The following LRIG2 variants were observed in gnomAD, a reference collection of about 807,000 sequenced individuals.
LRIG2 encodes the protein leucine rich repeats and immunoglobulin like domains 2, also known as leucine-rich repeats and immunoglobulin-like domains protein 2.
Under a neutral mutation model 107.8 loss-of-function variants are expected in LRIG2, and 93 were observed. The ratio of observed to expected loss-of-function variants is 0.86; its 90% CI spans 0.73 to 1.03. LRIG2 has a LOEUF of 1.03. LRIG2 is among the 50% of genes least tolerant of loss of function. The pLI, the probability that LRIG2 is intolerant of heterozygous loss-of-function variation, is 0.00. For missense variants in LRIG2, 1,226 were observed against 1,296.0 expected, an observed-to-expected ratio of 0.95 and a Z score of 0.83; for synonymous variants, 471 against 470.6, an observed-to-expected ratio of 1.00 and a Z score of -0.01.
chr1:113,116,494 C>A, intron 16 of LRIG2, 58 bp downstream of exon 16: 1 of 1,459,992 alleles, frequency 6.8e-7, no homozygotes, highest in Non-Finnish European at 9.3e-7. Flanking sequence ...GTTTACTTTT[C>A]AGTGTGTAGT....
chr1:113,084,811 A>G (rs967160289), intron 1 of LRIG2, among the ~76,000 whole-genome samples: 3 of 152,242 alleles, frequency 2.0e-5, no homozygotes, highest in Non-Finnish European at 2.9e-5. Context: ...AGATCACATC[A>G]TATTAAGTAA....
At chr1:113,102,958 T>A (rs554327405) in intron 11 of LRIG2, among the ~76,000 whole-genome samples, 1 of 152,174 alleles carries the variant, frequency 6.6e-6, no homozygotes, top group Admixed American at 6.5e-5. Flanking sequence ...ATAGGCTTAG[T>A]TTAATTATAA....
rs1407793785 is a variant in LRIG2 at position 113,130,370 on chromosome 1, A to G, written c.*6269A>G. On this transcript the variant is annotated 3_prime_UTR_variant, in exon 18 of 18. Coordinates refer to ENST00000361127, the MANE Select transcript of LRIG2 (RefSeq NM_014813.3). Reference sequence around the variant, plus strand: ...TCAAGCAATTTAGATTCTGTTACCCATTTCCCTATGAAAAGAGATGTGTTA... The same window carrying G: ...TCAAGCAATTTAGATTCTGTTACCCGTTTCCCTATGAAAAGAGATGTGTTA... 6.6e-6 allele frequency: 1 copy of G among 152,192 alleles called. No individual in the cohort carries two copies. Among genetic ancestry groups the G allele is most frequent in the African/African-American group, 2.4e-5 (1 of 41,446 alleles). The allele number at this position is 152,192 out of a possible 1,614,324, so 9.4% of individuals were successfully genotyped here.
intron 12 of LRIG2, 115 bp downstream of exon 12, chr1:113,107,872 A>G: frequency 1.1e-6 from 1 of 892,852 alleles, no homozygotes; most frequent in Non-Finnish European, 1.7e-6. Flanking sequence ...TACAGTTTTA[A>G]TTGCCATTAA....
At chr1:113,120,708 C>G (rs767437375) in intron 17 of LRIG2, among the ~76,000 whole-genome samples, 9 of 151,152 alleles carry the variant, frequency 6.0e-5, no homozygotes, top group Admixed American at 1.3e-4. Context: ...TGGGGTTTCT[C>G]CATGTTGGTC....
intron 1 of LRIG2, among the ~76,000 whole-genome samples, chr1:113,077,920 G>A (rs924709237): frequency 7.9e-6 from 1 of 125,872 alleles, no homozygotes; most frequent in Admixed American, 1.1e-4. Flanking sequence ...GATGTGTGAT[G>A]TTCCCCTTCC....
At position 113,128,147 on chromosome 1, in the gene LRIG2, A is replaced by T. The variant is rs531587374; in HGVS notation, c.*4046A>T. On this transcript the variant is annotated 3_prime_UTR_variant, in exon 18 of 18. Transcript: ENST00000361127. ...TTGCCAGAAAGTTGAGCATTTATTC[A>T]TACTTATTTTCAATCCTAAGTGTTC... 5.9e-5 allele frequency: 9 copies of T among 151,930 alleles called. No individual in the cohort carries two copies. Among genetic ancestry groups the T allele is most frequent in the Non-Finnish European group, 1.0e-4 (7 of 67,970 alleles). 9.4% of individuals were successfully genotyped at this position (151,930 alleles called of 1,614,324 possible).
In LRIG2 at chr1:113,114,710, T is replaced by C. The variant is rs551009446; in HGVS notation, c.2364T>C (p.Asn788=). 1 of 1,614,166 alleles carries C rather than the reference T, an allele frequency of 6.2e-7. No individual in the cohort carries two copies. The highest frequency in any genetic ancestry group is 1.1e-5 in the South Asian group (1 of 91,072). ...ACCTAAATGTCATTTCATCCCCCAA[T>C]TGTGACTCTTCCCAGAGTAGCATTG... ...HIYLNVISSP[N]CDSSQSSIGH... The change falls in exon 15 of 18, where the codon AAT becomes AAC. Residue 788 remains asparagine, a synonymous_variant. Transcript: ENST00000361127.
At chr1:113,107,843 C>A in intron 12 of LRIG2, 86 bp downstream of exon 12, 1 of 1,218,462 alleles carries the variant, frequency 8.2e-7, no homozygotes, top group Non-Finnish European at 1.1e-6. Flanking sequence ...TGGTTTTCCA[C>A]TAGGAATTTT....
intron 16 of LRIG2, among the ~76,000 whole-genome samples, chr1:113,117,956 G>A (rs1054957829): frequency 6.7e-6 from 1 of 150,094 alleles, no homozygotes; most frequent in South Asian, 2.1e-4. Context: ...TTTCATTCTT[G>A]TCACCCAGGC....
At position 113,073,363 on chromosome 1, in the gene LRIG2, C is replaced by A. The variant is rs1451941285; in HGVS notation, c.-44C>A. The stretch of plus-strand genomic sequence containing the variant: ...GAGCTTCTCCGCCGATCCTCCTTTT[C>A]TAGCAGGCAGCTCTTCTAGGCCACG... On this transcript the variant is annotated 5_prime_UTR_variant, in exon 1 of 18. Transcript: ENST00000361127. 2.6e-6 allele frequency: 4 copies of A among 1,511,628 alleles called. No individual in the cohort carries two copies. Among genetic ancestry groups the A allele is most frequent in the Non-Finnish European group, 9.1e-7 (1 of 1,093,620 alleles). 93.6% of individuals were successfully genotyped at this position (1,511,628 alleles called of 1,614,324 possible).
chr1:113,080,838 T>TTTG lies in LRIG2; in HGVS notation c.239+7195_239+7196insGTT, dbSNP rs1163527313. 1.4e-3 allele frequency among the ~76,000 whole-genome samples: 192 copies of TTTG among 141,822 alleles called. 1 individual carries two copies. Among genetic ancestry groups the TTTG allele is most frequent in the African/African-American group, 4.9e-3 (185 of 37,768 alleles). 93.0% of individuals were successfully genotyped at this position (141,822 alleles called of 152,430 possible). On this transcript the variant is annotated intron_variant, in intron 1 of 17. Transcript: ENST00000361127. ...TTCTAAATATGGGAACACTAAAAGT[T>TTTG]TTTTTTTTTTTTTTTTTTTTTTGAG...
chr1:113,073,350 C>T lies in LRIG2; in HGVS notation c.-57C>T. 4.9e-6 allele frequency: 7 copies of T among 1,423,136 alleles called. No homozygotes were observed. Among genetic ancestry groups the T allele is most frequent in the Non-Finnish European group, 6.9e-6 (7 of 1,016,390 alleles). 88.2% of individuals were successfully genotyped at this position (1,423,136 alleles called of 1,614,324 possible). A position where few individuals can be genotyped will look rare whatever the true frequency, so the allele number is the denominator to read the frequency against. On this transcript the variant is annotated 5_prime_UTR_variant, in exon 1 of 18. Coordinates refer to ENST00000361127, the MANE Select transcript of LRIG2 (RefSeq NM_014813.3). ...GAGCATCTCTGCTGAGCTTCTCCGC[C>T]GATCCTCCTTTTCTAGCAGGCAGCT...
intron 6 of LRIG2, among the ~76,000 whole-genome samples, chr1:113,094,986 T>TTTTG (rs1553228054): frequency 9.1e-6 from 1 of 109,610 alleles, no homozygotes; most frequent in Non-Finnish European, 1.9e-5. Context: ...ATATATATAT[T>TTTTG]TTTTTTGAGA....
Position 113,130,416 on chromosome 1 carries a change from G to A in LRIG2, c.*6315G>A, listed in dbSNP as rs971353472. ...TGTTAAAAGTCTTTAACTACTTAAA[G>A]GGTCATCATGAAAAATAAGAATTCT... On this transcript the variant is annotated 3_prime_UTR_variant, in exon 18 of 18. Coordinates refer to ENST00000361127, the MANE Select transcript of LRIG2 (RefSeq NM_014813.3). The A allele has an allele frequency of 1.3e-5, 2 of 152,268 alleles. No homozygotes were observed. Among genetic ancestry groups the A allele is most frequent in the South Asian group, 4.1e-4 (2 of 4,828 alleles). The allele number at this position is 152,268 out of a possible 1,614,324, so 9.4% of individuals were successfully genotyped here.
At chr1:113,090,979 G>T (rs1008805608) in intron 1 of LRIG2, among the ~76,000 whole-genome samples, 16 of 151,516 alleles carry the variant, frequency 1.1e-4, no homozygotes, top group Non-Finnish European at 5.9e-5. Flanking sequence ...AGCCTCCTGA[G>T]TAGCTGGGAT....
rs544375323 is a variant in LRIG2 at position 113,084,467 on chromosome 1, G to A, written c.240-6851G>A. 1.0e-3 allele frequency among the ~76,000 whole-genome samples: 157 copies of A among 151,904 alleles called. 1 individual carries two copies. The highest frequency in any genetic ancestry group is 3.4e-3 in the African/African-American group (141 of 41,446). The stretch of plus-strand genomic sequence containing the variant: ...CCTGACCTTGTGATCCGCCCGCCTC[G>A]GCCTCCCAAAGTACTGGGATTACAG... On this transcript the variant is annotated intron_variant, in intron 1 of 17. Coordinates refer to ENST00000361127, the MANE Select transcript of LRIG2 (RefSeq NM_014813.3).
intron 8 of LRIG2, among the ~76,000 whole-genome samples, chr1:113,097,133 T>C (rs906958709): frequency 6.6e-6 from 1 of 151,888 alleles, no homozygotes; most frequent in Non-Finnish European, 1.5e-5. Context: ...CTGTAAGTTA[T>C]TCAATTTACA....
At chr1:113,121,407 T>A (rs1339634225) in intron 17 of LRIG2, among the ~76,000 whole-genome samples, 1 of 152,190 alleles carries the variant, frequency 6.6e-6, no homozygotes, top group Non-Finnish European at 1.5e-5. Flanking sequence ...TTTCATCAGC[T>A]TTCATCCTTC....
Sources: allele counts gnomAD v4.1 joint callset (sites outside exome capture counted in the v4.1 genomes callset), GRCh38; gene constraint gnomAD v4.1.1; transcripts MANE v1.5; gene names NCBI Gene and HGNC (gene_info 2026-07-23, HGNC 2026-07-21).